TEX9: variants seen among roughly 807,000 people sequenced by gnomAD.
TEX9 encodes the protein testis-expressed protein 9.
A neutral mutation model predicts 59.6 loss-of-function variants in TEX9; 74 were observed. The ratio of observed to expected loss-of-function variants is 1.24; its 90% CI spans 1.03 to 1.51. TEX9 has a LOEUF of 1.51. Ranked by LOEUF, TEX9 falls within the 40% of genes most tolerant of loss-of-function variation. TEX9 has a pLI of 0.00. For missense variants in TEX9, 522 were observed against 447.8 expected, an observed-to-expected ratio of 1.17 and a Z score of -1.49; for synonymous variants, 186 against 152.2, an observed-to-expected ratio of 1.22 and a Z score of -1.64.
intron 10 of TEX9, among the ~76,000 whole-genome samples, chr15:56,425,330 TTCTA>T (rs1238771106): frequency 6.6e-6 from 1 of 152,182 alleles, no homozygotes; most frequent in Non-Finnish European, 1.5e-5. Context: ...TTGTCTCCTT[TTCTA>T]TCTAAGATTA....
intron 1 of TEX9, among the ~76,000 whole-genome samples, chr15:56,266,729 A>G (rs2044393834): frequency 1.3e-5 from 2 of 152,130 alleles, no homozygotes; most frequent in South Asian, 4.2e-4. Flanking sequence ...CCTATCATTG[A>G]TGGACATTTG....
chr15:56,349,630 A>G (rs927534534), intron 1 of TEX9, among the ~76,000 whole-genome samples: 87 of 152,060 alleles, frequency 5.7e-4, no homozygotes, highest in Non-Finnish European at 4.1e-4. Flanking sequence ...TTTTCCTTTC[A>G]TAAAATGCCT....
intron 1 of TEX9, among the ~76,000 whole-genome samples, chr15:56,311,156 A>C (rs1169361209): frequency 3.2e-5 from 4 of 125,464 alleles, no homozygotes; most frequent in African/African-American, 1.1e-4. Flanking sequence ...TTTTTTTTTA[A>C]TTATACTTTA....
intron 1 of TEX9, chr15:56,248,978 A>T (rs566284432): frequency 6.6e-6 from 1 of 152,226 alleles, no homozygotes; most frequent in Admixed American, 6.5e-5. Flanking sequence ...CCTGCTATGT[A>T]CAAGTTACTA....
At chr15:56,396,908 G>C (rs2048508941) in intron 9 of TEX9, 1 of 152,292 alleles carries the variant, frequency 6.6e-6, no homozygotes, top group African/African-American at 2.4e-5. Flanking sequence ...AGTCTTGGGT[G>C]TGTCTTACCA....
intron 12 of TEX9, chr15:56,429,508 C>G (rs1197394961): frequency 5.2e-6 from 1 of 191,768 alleles, no homozygotes; most frequent in Non-Finnish European, 1.0e-5. Flanking sequence ...ATACTGTACC[C>G]TACCCTTTTC....
At chr15:56,440,786 G>A (rs1700767820) in intron 12 of TEX9, among the ~76,000 whole-genome samples, 1 of 151,980 alleles carries the variant, frequency 6.6e-6, no homozygotes, top group Non-Finnish European at 1.5e-5. Context: ...ATAATTAAAG[G>A]TTTATCCATG....
intron 4 of TEX9, among the ~76,000 whole-genome samples, chr15:56,386,172 C>T (rs527938064): frequency 5.9e-5 from 9 of 151,976 alleles, no homozygotes; most frequent in South Asian, 4.2e-4. Context: ...TGAAAGAAGC[C>T]AGGCTAAAAA....
At chr15:56,389,197 T>C in intron 5 of TEX9, 121 bp from the exon 6 acceptor site, 1 of 760,856 alleles carries the variant, frequency 1.3e-6, no homozygotes, top group Non-Finnish European at 2.2e-6. Context: ...TTTTTGGTAA[T>C]TCCATGAAAA....
chr15:56,351,529 T>C (rs2046580083), intron 1 of TEX9, among the ~76,000 whole-genome samples: 1 of 152,172 alleles, frequency 6.6e-6, no homozygotes, highest in African/African-American at 2.4e-5. Flanking sequence ...GTGCAGCCAG[T>C]GTGGCAGTAT....
intron 1 of TEX9, among the ~76,000 whole-genome samples, chr15:56,331,587 A>C (rs1446839141): frequency 2.0e-5 from 3 of 152,194 alleles, no homozygotes; most frequent in Non-Finnish European, 4.4e-5. Flanking sequence ...AAGGAAATTG[A>C]AAAATTTCTT....
chr15:56,305,645 C>G (rs2045465247), intron 1 of TEX9, among the ~76,000 whole-genome samples: 1 of 152,086 alleles, frequency 6.6e-6, no homozygotes, highest in South Asian at 2.1e-4. Context: ...AAACACTTGT[C>G]TAAGACCTCA....
chr15:56,437,369 T>C (rs2050744791), intron 12 of TEX9, among the ~76,000 whole-genome samples: 1 of 152,178 alleles, frequency 6.6e-6, no homozygotes, highest in East Asian at 1.9e-4. Context: ...AAAAAACACA[T>C]GATTATCTCA....
chr15:56,309,695 T>TG (rs1388378723), intron 1 of TEX9, among the ~76,000 whole-genome samples: 54 of 21,854 alleles, frequency 2.5e-3, no homozygotes, highest in African/African-American at 8.7e-3. Flanking sequence ...TATGGGAAGT[T>TG]TTTTTTTTTT....
At chr15:56,435,009 A>G (rs1465716765) in intron 12 of TEX9, among the ~76,000 whole-genome samples, 1 of 152,130 alleles carries the variant, frequency 6.6e-6, no homozygotes, top group African/African-American at 2.4e-5. Flanking sequence ...AATTTCATAC[A>G]TACTAAAAAA....
chr15:56,253,494 G>A lies in TEX9; in HGVS notation c.-107+9216G>A, dbSNP rs117309899. ...GGAACTTTAAACACGTATCCCTTCT[G>A]AGGTCCCTAAAGAAAGCCAAATGAC... On this transcript the variant is annotated intron_variant, in intron 1 of 5. Transcript: ENST00000560827. Among the ~76,000 whole-genome samples, 338 of 152,222 alleles carry A rather than the reference G, an allele frequency of 2.2e-3. 1 individual carries two copies. The highest frequency in any genetic ancestry group is 3.5e-3 in the Non-Finnish European group (240 of 68,000).
chr15:56,408,345 T>C (rs961350676), intron 9 of TEX9: 18 of 152,368 alleles, frequency 1.2e-4, no homozygotes, highest in African/African-American at 4.1e-4. Flanking sequence ...AATAGTTGAT[T>C]ACTCCTTCCT....
chr15:56,321,920 G>A (rs998369577), intron 1 of TEX9, among the ~76,000 whole-genome samples: 2 of 151,986 alleles, frequency 1.3e-5, no homozygotes, highest in Non-Finnish European at 2.9e-5. Context: ...TTAGGAGTGG[G>A]TGGGGGAAGG....
intron 1 of TEX9, among the ~76,000 whole-genome samples, chr15:56,272,038 G>T (rs1386110350): frequency 6.6e-6 from 1 of 152,040 alleles, no homozygotes; most frequent in African/African-American, 2.4e-5. Context: ...CAGCTACTCG[G>T]GAGGCTGAGG....
Sources: gnomAD v4.1 joint callset for allele counts (sites outside exome capture counted in the v4.1 genomes callset) on GRCh38, gnomAD v4.1.1 for gene constraint, MANE v1.5 for transcripts, NCBI Gene and HGNC (gene_info 2026-07-23, HGNC 2026-07-21) for gene names.